The following CDH3 variants were observed in gnomAD, a reference collection of about 807,000 sequenced individuals.
CDH3 encodes the protein cadherin-3.
In CDH3, 54 loss-of-function variants were observed where a neutral mutation model predicts 82.0. The observed-to-expected ratio is 0.66, with a 90% CI of 0.53 to 0.83. The LOEUF (loss-of-function observed/expected upper bound fraction) is 0.83. Among genes scored for constraint, CDH3 ranks in the 40% least tolerant of loss-of-function variants. The pLI is 0.00. For missense variants in CDH3, 1,054 were observed against 1,084.6 expected (o/e 0.97, Z 0.40); for synonymous variants, 446 against 437.9 (o/e 1.02, Z -0.23).
chr16:68,676,076 C>A (rs1369264828), intron 2 of CDH3, among the ~76,000 whole-genome samples: 1 of 152,170 alleles, frequency 6.6e-6, no homozygotes, highest in Non-Finnish European at 1.5e-5. Context: ...AACCCCATGT[C>A]ACATGAGGCC....
At chr16:68,691,977 T>A in intron 13 of CDH3, 51 bp downstream of exon 13, 1 of 1,460,578 alleles carries the variant, frequency 6.8e-7, no homozygotes, top group Non-Finnish European at 9.5e-7. Flanking sequence ...GTTGAAAGAC[T>A]GGATTCTACC....
At chr16:68,669,911 G>A (rs1053184341) in intron 2 of CDH3, among the ~76,000 whole-genome samples, 3 of 152,026 alleles carry the variant, frequency 2.0e-5, no homozygotes, top group Admixed American at 1.3e-4. Flanking sequence ...TTGTGCCCAG[G>A]AGTTCTAGAC....
At position 68,687,737 on chromosome 16, in the gene CDH3, G is replaced by T. The variant is rs752131891; in HGVS notation, c.1795+1G>T. ...TGGACGGCAGAGGTCAACGAGGAAG[G>T]TACCTGAGTGAGTGGTGGTAGCGGG... On this transcript the variant is annotated splice_donor_variant, in intron 12 of 15. Coordinates refer to ENST00000264012, the MANE Select transcript of CDH3 (RefSeq NM_001793.6). LOFTEE classifies it high-confidence loss of function. The T allele has an allele frequency of 6.2e-7, 1 of 1,610,804 alleles. No homozygotes were observed. Among genetic ancestry groups the T allele is most frequent in the East Asian group, 2.2e-5 (1 of 44,826 alleles).
chr16:68,727,384 T>G (rs1020476771), exon 3 of CDH3, among the ~76,000 whole-genome samples: 4 of 152,160 alleles, frequency 2.6e-5, no homozygotes, highest in Non-Finnish European at 5.9e-5. Context: ...ATAAGTCCCC[T>G]CTCATCTCTC....
At chr16:68,688,192 C>A (rs1255200923) in intron 12 of CDH3, among the ~76,000 whole-genome samples, 1 of 151,694 alleles carries the variant, frequency 6.6e-6, no homozygotes, top group African/African-American at 2.4e-5. Flanking sequence ...ATTCCAAAGA[C>A]CTCCACCAGG....
At chr16:68,662,698 C>A (rs1023067008) in intron 2 of CDH3, among the ~76,000 whole-genome samples, 1 of 151,640 alleles carries the variant, frequency 6.6e-6, no homozygotes, top group African/African-American at 2.4e-5. Flanking sequence ...GCACCCGCCA[C>A]CACGCCCGGC....
chr16:68,698,547 G>A lies in CDH3; in HGVS notation c.*147G>A. 1 of 697,978 alleles carries A rather than the reference G, an allele frequency of 1.4e-6. No homozygotes were observed. The highest frequency in any genetic ancestry group is 2.5e-6 in the Non-Finnish European group (1 of 403,924). The allele number at this position is 697,978 out of a possible 1,614,324, so 43.2% of individuals were successfully genotyped here. ...GAGACAGGCTATGAGTCTGACGTTAGAGTGGTGGCTTCCTTAGCCTTTCAG... is the reference window on the plus strand; with the variant it reads ...GAGACAGGCTATGAGTCTGACGTTAAAGTGGTGGCTTCCTTAGCCTTTCAG... On this transcript the variant is annotated 3_prime_UTR_variant, in exon 16 of 16. Transcript: ENST00000264012.
intron 13 of CDH3, 111 bp from the exon 14 acceptor site, chr16:68,695,144 G>C (rs1961678266): frequency 1.1e-5 from 12 of 1,127,970 alleles, no homozygotes; most frequent in Non-Finnish European, 1.5e-5. Context: ...AGCATGTTAA[G>C]CTCTGGCTAC....
rs1018287626 is a variant in CDH3 at position 68,707,964 on chromosome 16, G to A, written c.99+12041G>A. Among the ~76,000 whole-genome samples, 1 of 152,112 alleles carries A rather than the reference G, an allele frequency of 6.6e-6. No homozygotes were observed. Among genetic ancestry groups the A allele is most frequent in the African/African-American group, 2.4e-5 (1 of 41,422 alleles). On this transcript the variant is annotated intron_variant, in intron 1 of 2. Coordinates refer to the CDH3 transcript ENST00000569080. The surrounding 1 kb of genome is among the most constrained non-coding windows in gnomAD (Gnocchi z 4.5). ...CAGCCCACAGCTGACAGGGCAGGGC[G>A]CTGAGACCTCTGTGTGTCCTCCAGG...
intron 1 of CDH3, among the ~76,000 whole-genome samples, chr16:68,709,656 G>A (rs777947182): frequency 4.9e-4 from 75 of 152,152 alleles, no homozygotes; most frequent in Middle Eastern, 3.4e-3. Flanking sequence ...ACAAGGTTTC[G>A]CCATATTGGC....
At chr16:68,671,155 C>CTTTTT (rs777512178) in intron 2 of CDH3, among the ~76,000 whole-genome samples, 1 of 139,400 alleles carries the variant, frequency 7.2e-6, no homozygotes, top group Non-Finnish European at 1.6e-5. Context: ...GATTGATGTA[C>CTTTTT]TTTTTTTTTT....
At chr16:68,726,605 G>A (rs1353255220) in intron 2 of CDH3, among the ~76,000 whole-genome samples, 5 of 145,656 alleles carry the variant, frequency 3.4e-5, no homozygotes, top group African/African-American at 1.3e-4. Flanking sequence ...TTGAGACAGA[G>A]TCTCGCTCTG....
intron 2 of CDH3, among the ~76,000 whole-genome samples, chr16:68,649,869 A>C (rs540657488): frequency 6.6e-6 from 1 of 152,144 alleles, no homozygotes; most frequent in African/African-American, 2.4e-5. Flanking sequence ...TCCCGTATCT[A>C]CTAAAAACAC....
the CDH3 span, among the ~76,000 whole-genome samples, chr16:68,733,579 C>T: frequency 1.3e-5 from 2 of 152,118 alleles, no homozygotes; most frequent in Non-Finnish European, 2.9e-5. Flanking sequence ...CCCGTCTCTA[C>T]TAAAATACAA....
intron 2 of CDH3, among the ~76,000 whole-genome samples, chr16:68,657,469 G>A (rs1263668867): frequency 2.0e-5 from 3 of 152,078 alleles, no homozygotes; most frequent in Admixed American, 6.5e-5. Flanking sequence ...AGCCGAGATC[G>A]CACCACTGCA....
At chr16:68,724,390 A>G (rs1597832009) in intron 2 of CDH3, among the ~76,000 whole-genome samples, 1 of 152,038 alleles carries the variant, frequency 6.6e-6, no homozygotes, top group Admixed American at 6.6e-5. Context: ...AGGCCAAGGA[A>G]GGAGGATCAC....
intron 1 of CDH3, among the ~76,000 whole-genome samples, chr16:68,715,938 T>C (rs1388248912): frequency 6.6e-6 from 1 of 152,176 alleles, no homozygotes; most frequent in Non-Finnish European, 1.5e-5. Flanking sequence ...TTCTCACAGG[T>C]GTACAGATTA....
chr16:68,724,044 G>C (rs1248254268), intron 2 of CDH3, among the ~76,000 whole-genome samples: 6 of 146,064 alleles, frequency 4.1e-5, no homozygotes, highest in Non-Finnish European at 6.0e-5. Context: ...ACTCCAGCCT[G>C]GGCGACAGAG....
the CDH3 span, among the ~76,000 whole-genome samples, chr16:68,732,933 CTG>C: frequency 7.6e-6 from 1 of 131,734 alleles, no homozygotes; most frequent in African/African-American, 2.9e-5. Flanking sequence ...AAGAGATAAC[CTG>C]AGGAGCTTTA....
Sources: allele counts gnomAD v4.1 joint callset (sites outside exome capture counted in the v4.1 genomes callset), GRCh38; gene constraint gnomAD v4.1.1; non-coding constraint Gnocchi (gnomAD v3.1); transcripts MANE v1.5; gene names NCBI Gene and HGNC (gene_info 2026-07-23, HGNC 2026-07-21).